The following AFG2A variants were observed in gnomAD, a reference collection of about 807,000 sequenced individuals.
AFG2A encodes ATPase family gene 2 protein homolog A.
the AFG2A span, among the ~76,000 whole-genome samples, chr4:123,220,358 T>C: frequency 3.3e-5 from 5 of 152,142 alleles, no homozygotes; most frequent in Middle Eastern, 3.4e-3. Context: ...ATGCCTGTTA[T>C]CCCAGCATTT....
chr4:123,095,285 G>A, the AFG2A span, among the ~76,000 whole-genome samples: 2 of 151,732 alleles, frequency 1.3e-5, no homozygotes, highest in East Asian at 3.9e-4. Context: ...ACTCCCTGTG[G>A]AACATGAATT....
the AFG2A span, among the ~76,000 whole-genome samples, chr4:123,144,313 G>C: frequency 1.3e-5 from 2 of 151,966 alleles, no homozygotes; most frequent in Non-Finnish European, 2.9e-5. Flanking sequence ...ATACCTTTCT[G>C]GCTTGCACAG....
At chr4:122,936,770 A>G in the AFG2A span, among the ~76,000 whole-genome samples, 2 of 152,198 alleles carry the variant, frequency 1.3e-5, no homozygotes, top group Non-Finnish European at 2.9e-5. Context: ...ACCTGAGGTC[A>G]GGAGTTTGAG....
At chr4:123,265,647 A>G in the AFG2A span, among the ~76,000 whole-genome samples, 1 of 152,114 alleles carries the variant, frequency 6.6e-6, no homozygotes, top group Non-Finnish European at 1.5e-5. Context: ...GGAAATGGAT[A>G]TGAATGAGAG....
At chr4:123,007,568 ATGTGTGTGTGTGTGTGTGTGTG>A in the AFG2A span, among the ~76,000 whole-genome samples, 619 of 91,748 alleles carry the variant, frequency 6.7e-3, 5 homozygotes, top group Non-Finnish European at 9.4e-3. Context: ...GTGTGTGTAT[ATGTGTGTGTGTGTGTGTGTGTG>A]TGTGTGTGTG....
chr4:123,019,580 A>G, the AFG2A span, among the ~76,000 whole-genome samples: 1,836 of 152,292 alleles, frequency 0.012, 42 homozygotes, highest in African/African-American at 0.041. Context: ...TGCTATTTTT[A>G]TATTCTAAAA....
At chr4:123,274,355 C>T in the AFG2A span, among the ~76,000 whole-genome samples, 1 of 151,682 alleles carries the variant, frequency 6.6e-6, no homozygotes, top group Admixed American at 6.6e-5. Context: ...GAAAGTTTAC[C>T]ATCCTAAAAA....
At chr4:123,306,411 G>A in the AFG2A span, among the ~76,000 whole-genome samples, 3 of 152,256 alleles carry the variant, frequency 2.0e-5, no homozygotes, top group African/African-American at 7.2e-5. Context: ...ACAAAGGCAT[G>A]TCTTCGTCTA....
At chr4:123,186,637 T>C in the AFG2A span, among the ~76,000 whole-genome samples, 1 of 152,222 alleles carries the variant, frequency 6.6e-6, no homozygotes, top group Non-Finnish European at 1.5e-5. Context: ...TCTTCAGTGA[T>C]GACTTCTGGT....
the AFG2A span, among the ~76,000 whole-genome samples, chr4:123,180,549 T>C: frequency 6.6e-6 from 1 of 152,202 alleles, no homozygotes; most frequent in Non-Finnish European, 1.5e-5. Flanking sequence ...TTGGCATTCA[T>C]ACTGTAATTC....
chr4:123,054,028 G>C, the AFG2A span, among the ~76,000 whole-genome samples: 1 of 152,200 alleles, frequency 6.6e-6, no homozygotes, highest in Non-Finnish European at 1.5e-5. Flanking sequence ...TCAACTTCCA[G>C]GTTCACTACT....
At chr4:123,099,344 C>G in the AFG2A span, among the ~76,000 whole-genome samples, 3 of 151,972 alleles carry the variant, frequency 2.0e-5, no homozygotes, top group South Asian at 6.2e-4. Context: ...TGTGCAGAGG[C>G]TTTTTAGCTT....
At chr4:123,166,495 TCAAAATTTG>T in the AFG2A span, among the ~76,000 whole-genome samples, 2 of 152,162 alleles carry the variant, frequency 1.3e-5, no homozygotes, top group African/African-American at 4.8e-5. Flanking sequence ...CTAGTATCAA[TCAAAATTTG>T]AAGTATCAAT....
chr4:123,095,923 T>C, the AFG2A span, among the ~76,000 whole-genome samples: 1 of 152,148 alleles, frequency 6.6e-6, no homozygotes, highest in Non-Finnish European at 1.5e-5. Context: ...TTGATATCAT[T>C]ATGTTACCCA....
chr4:123,135,132 A>G, the AFG2A span, among the ~76,000 whole-genome samples: 1 of 152,328 alleles, frequency 6.6e-6, no homozygotes, highest in South Asian at 2.1e-4. Flanking sequence ...GTGACTTACC[A>G]TATTAACAGA....
the AFG2A span, among the ~76,000 whole-genome samples, chr4:122,960,112 C>T: frequency 6.6e-6 from 1 of 152,160 alleles, no homozygotes; most frequent in Non-Finnish European, 1.5e-5. Context: ...AGAGCAGCTG[C>T]ATTTTGAAAT....
At chr4:123,105,252 C>A in the AFG2A span, among the ~76,000 whole-genome samples, 1 of 152,158 alleles carries the variant, frequency 6.6e-6, no homozygotes, top group African/African-American at 2.4e-5. Context: ...TGGTTGACAG[C>A]ACATCTGTTT....
the AFG2A span, among the ~76,000 whole-genome samples, chr4:123,242,911 AC>A: frequency 4.0e-5 from 6 of 150,722 alleles, no homozygotes; most frequent in African/African-American, 1.2e-4. Flanking sequence ...AAGAAAAAAA[AC>A]AACCCCATCA....
chr4:123,019,918 A>G, the AFG2A span, among the ~76,000 whole-genome samples: 9 of 152,214 alleles, frequency 5.9e-5, no homozygotes, highest in Non-Finnish European at 2.9e-5. Flanking sequence ...TTACAGTTGT[A>G]ATAATAAAGG....
Sources: allele counts gnomAD v4.1 joint callset (sites outside exome capture counted in the v4.1 genomes callset), GRCh38; gene constraint gnomAD v4.1.1; transcripts MANE v1.5; gene names NCBI Gene and HGNC (gene_info 2026-07-23, HGNC 2026-07-21).